RARB: variants seen among roughly 807,000 people sequenced by gnomAD.
RARB encodes HBV-activated protein.
A neutral mutation model predicts 51.9 loss-of-function variants in RARB; 17 were observed. The observed-to-expected ratio is 0.33, with a 90% CI of 0.22 to 0.49. The LOEUF (loss-of-function observed/expected upper bound fraction) is 0.49, where lower values mean the gene tolerates loss of function less well. RARB is among the 20% of genes least tolerant of loss of function. RARB has a pLI of 0.99. For missense variants in RARB, 369 were observed against 550.8 expected (o/e 0.67, Z 3.30); for synonymous variants, 215 against 195.4 (o/e 1.10, Z -0.84).
At chr3:25,301,249 C>T (rs1235963355) in intron 5 of RARB, among the ~76,000 whole-genome samples, 1 of 152,180 alleles carries the variant, frequency 6.6e-6, no homozygotes, top group Admixed American at 6.5e-5. Flanking sequence ...TGCATCTGTA[C>T]TACAGTGTGA....
intron 2 of RARB, among the ~76,000 whole-genome samples, chr3:24,866,673 T>A (rs1462497211): frequency 1.3e-5 from 2 of 152,186 alleles, no homozygotes; most frequent in African/African-American, 4.8e-5. Flanking sequence ...TTCTTCCAAA[T>A]GCAAGTATTC....
chr3:24,830,359 A>C (rs1702263139), intron 1 of RARB, among the ~76,000 whole-genome samples: 1 of 148,926 alleles, frequency 6.7e-6, no homozygotes, highest in Admixed American at 6.7e-5. Context: ...GGGGGTGGGT[A>C]CGAGGGATAA....
chr3:25,434,035 T>C (rs1157925556), intron 1 of RARB, among the ~76,000 whole-genome samples: 3 of 152,092 alleles, frequency 2.0e-5, no homozygotes, highest in African/African-American at 7.2e-5. Context: ...GGGGACCATT[T>C]AGTAAGATAA....
chr3:24,977,144 T>C (rs1475067062), intron 2 of RARB, among the ~76,000 whole-genome samples: 4 of 152,198 alleles, frequency 2.6e-5, no homozygotes, highest in Admixed American at 1.3e-4. Context: ...ACCGGTACCA[T>C]GCTGTTTCGG....
intron 2 of RARB, among the ~76,000 whole-genome samples, chr3:24,986,809 T>G (rs1365536912): frequency 6.6e-6 from 1 of 152,094 alleles, no homozygotes; most frequent in South Asian, 2.1e-4. Context: ...CCCTGTTAAC[T>G]CCTGATTGCT....
intron 3 of RARB, among the ~76,000 whole-genome samples, chr3:25,091,384 G>A (rs932957225): frequency 6.6e-5 from 10 of 152,184 alleles, no homozygotes; most frequent in South Asian, 4.1e-4. Flanking sequence ...CCCTCTTTCC[G>A]AGCTCAGGTG....
intron 2 of RARB, among the ~76,000 whole-genome samples, chr3:24,927,834 T>C (rs1359002481): frequency 1.3e-5 from 2 of 152,076 alleles, no homozygotes; most frequent in South Asian, 2.1e-4. Flanking sequence ...AAATTTTTCA[T>C]GTTTTCAGTA....
At chr3:25,230,194 A>G (rs1390285756) in intron 5 of RARB, among the ~76,000 whole-genome samples, 1 of 152,106 alleles carries the variant, frequency 6.6e-6, no homozygotes, top group Non-Finnish European at 1.5e-5. Flanking sequence ...TTGGAGAGGA[A>G]TGATTTTATA....
chr3:25,500,546 C>T (rs1418727283), intron 2 of RARB, among the ~76,000 whole-genome samples: 1 of 137,442 alleles, frequency 7.3e-6, no homozygotes, highest in Non-Finnish European at 1.5e-5. Flanking sequence ...GTGGCACAAT[C>T]TCAGCTCACT....
chr3:25,468,051 G>A (rs759227548), intron 2 of RARB, among the ~76,000 whole-genome samples: 143 of 152,284 alleles, frequency 9.4e-4, no homozygotes, highest in Non-Finnish European at 1.6e-3. Context: ...AGGAACCAGC[G>A]GTGTGAGTCA....
At chr3:25,249,131 ATTC>A (rs1383000028) in intron 5 of RARB, among the ~76,000 whole-genome samples, 2 of 151,618 alleles carry the variant, frequency 1.3e-5, no homozygotes, top group Non-Finnish European at 3.0e-5. Flanking sequence ...ATTCTTTTTT[ATTC>A]TTTTTTAAAA....
intron 3 of RARB, among the ~76,000 whole-genome samples, chr3:25,088,747 A>C (rs1699145775): frequency 6.6e-6 from 1 of 152,200 alleles, no homozygotes; most frequent in Non-Finnish European, 1.5e-5. Context: ...TGCTATTCCA[A>C]AAGCAAAATT....
At chr3:25,132,136 C>T (rs1304681312) in intron 3 of RARB, among the ~76,000 whole-genome samples, 1 of 151,818 alleles carries the variant, frequency 6.6e-6, no homozygotes, top group Non-Finnish European at 1.5e-5. Context: ...GATCTAATCC[C>T]AGTTTTTCCT....
intron 2 of RARB, among the ~76,000 whole-genome samples, chr3:25,496,458 C>T (rs761305376): frequency 6.6e-6 from 1 of 152,272 alleles, no homozygotes; most frequent in African/African-American, 2.4e-5. Flanking sequence ...TTATACCTAT[C>T]CTACTCCCCT....
intron 2 of RARB, among the ~76,000 whole-genome samples, chr3:24,932,187 A>G (rs1045151812): frequency 2.6e-5 from 4 of 152,090 alleles, no homozygotes; most frequent in Non-Finnish European, 4.4e-5. Flanking sequence ...CCTTTCACTC[A>G]GGATACTTGG....
chr3:25,119,885 G>A (rs1396453879), intron 3 of RARB, among the ~76,000 whole-genome samples: 1 of 152,118 alleles, frequency 6.6e-6, no homozygotes, highest in African/African-American at 2.4e-5. Flanking sequence ...TAGTAGATAA[G>A]TGAGATAACA....
intron 3 of RARB, among the ~76,000 whole-genome samples, chr3:25,534,609 C>A (rs984193761): frequency 1.1e-4 from 17 of 152,212 alleles, no homozygotes; most frequent in Non-Finnish European, 2.5e-4. Flanking sequence ...GTTTGCTGAA[C>A]ATACCTGTTT....
At chr3:25,099,305 CAG>C (rs1699355903) in intron 3 of RARB, among the ~76,000 whole-genome samples, 1 of 152,022 alleles carries the variant, frequency 6.6e-6, no homozygotes, top group Non-Finnish European at 1.5e-5. Flanking sequence ...AGAGGAGACA[CAG>C]ACTTATTGAG....
chr3:25,258,126 G>A (rs1054165910), intron 5 of RARB, among the ~76,000 whole-genome samples: 8 of 152,112 alleles, frequency 5.3e-5, no homozygotes, highest in African/African-American at 1.9e-4. Context: ...AGCTGGCAGA[G>A]GCATGGTAGA....
Sources: allele counts gnomAD v4.1 joint callset (sites outside exome capture counted in the v4.1 genomes callset), GRCh38; gene constraint gnomAD v4.1.1; transcripts MANE v1.5; gene names NCBI Gene and HGNC (gene_info 2026-07-23, HGNC 2026-07-21).